Variants in EPHA7 observed in about 807,000 individuals in gnomAD.
EPHA7 encodes ephrin type-A receptor 7.
EPHA7 carries 25 observed loss-of-function variants against 112.6 expected under a neutral mutation model. That is an observed-to-expected ratio of 0.22 (90% CI 0.16 to 0.31). The LOEUF (loss-of-function observed/expected upper bound fraction) is 0.31, where lower values mean the gene tolerates loss of function less well. Ranked by LOEUF, EPHA7 falls within the 10% of genes least tolerant of loss-of-function variation. EPHA7 has a pLI of 1.00. For missense variants in EPHA7, 962 were observed against 1,212.6 expected (o/e 0.79, Z 3.07); for synonymous variants, 437 against 406.5 (o/e 1.07, Z -0.90).
intron 3 of EPHA7, among the ~76,000 whole-genome samples, chr6:93,386,061 A>G (rs1303824880): frequency 6.6e-6 from 1 of 152,136 alleles, no homozygotes; most frequent in Non-Finnish European, 1.5e-5. Context: ...TGAAATTTGG[A>G]TGGGGACACA....
intron 5 of EPHA7, among the ~76,000 whole-genome samples, chr6:93,316,220 A>G (rs1048796321): frequency 3.3e-5 from 5 of 152,166 alleles, no homozygotes; most frequent in African/African-American, 1.2e-4. Flanking sequence ...GTGATTTCTA[A>G]AAACCTTCAT....
intron 3 of EPHA7, among the ~76,000 whole-genome samples, chr6:93,400,325 G>T (rs888059719): frequency 4.6e-5 from 7 of 151,880 alleles, no homozygotes; most frequent in Non-Finnish European, 8.8e-5. Context: ...AATAAACAGG[G>T]AACATATAAA....
At chr6:93,387,429 A>G (rs1006168331) in intron 3 of EPHA7, among the ~76,000 whole-genome samples, 8 of 152,124 alleles carry the variant, frequency 5.3e-5, no homozygotes, top group African/African-American at 1.9e-4. Flanking sequence ...CAACTTTCCC[A>G]CATCTTCCTG....
At chr6:93,255,203 C>A (rs1467435873) in intron 13 of EPHA7, among the ~76,000 whole-genome samples, 3 of 147,296 alleles carry the variant, frequency 2.0e-5, no homozygotes, top group Non-Finnish European at 4.5e-5. Context: ...AAAAAATTAT[C>A]CGTGCGTGGT....
intron 5 of EPHA7, among the ~76,000 whole-genome samples, chr6:93,290,193 A>G (rs906210222): frequency 6.6e-6 from 1 of 152,048 alleles, no homozygotes; most frequent in Non-Finnish European, 1.5e-5. Flanking sequence ...AGCAATTTTG[A>G]CTATATATAG....
Position 93,240,262 on chromosome 6 carries a change from A to G in EPHA7, c.*3164T>C. 4.4e-6 allele frequency: 1 copy of G among 225,662 alleles called. No individual in the cohort carries two copies. The allele number at this position is 225,662 out of a possible 1,614,324, so 14.0% of individuals were successfully genotyped here. On this transcript the variant is annotated 3_prime_UTR_variant, in exon 17 of 17. Transcript: ENST00000369303. ...ATTTCTCCACATATAGCAAAAAAAT[A>G]CACATCAGTAATTTATTTGAACATG...
At chr6:93,321,001 A>G (rs1348014937) in intron 5 of EPHA7, among the ~76,000 whole-genome samples, 1 of 152,026 alleles carries the variant, frequency 6.6e-6, no homozygotes, top group Non-Finnish European at 1.5e-5. Flanking sequence ...AAATAGCAGT[A>G]AATTCAATCT....
At chr6:93,273,545 T>C (rs907044475) in intron 5 of EPHA7, among the ~76,000 whole-genome samples, 2 of 151,910 alleles carry the variant, frequency 1.3e-5, no homozygotes, top group Non-Finnish European at 2.9e-5. Context: ...TTCACTTCTT[T>C]CTGGCTTGGC....
intron 3 of EPHA7, among the ~76,000 whole-genome samples, chr6:93,404,366 T>G (rs573154959): frequency 4.6e-5 from 7 of 151,920 alleles, no homozygotes; most frequent in Admixed American, 1.3e-4. Context: ...GAAAAAAGTT[T>G]ATGTTCATAA....
At chr6:93,271,281 T>C (rs1771204826) in intron 6 of EPHA7, among the ~76,000 whole-genome samples, 1 of 150,802 alleles carries the variant, frequency 6.6e-6, no homozygotes, top group African/African-American at 2.4e-5. Context: ...CTAATTTTTC[T>C]TTAAAAAAAC....
intron 1 of EPHA7, among the ~76,000 whole-genome samples, chr6:93,417,740 T>C (rs1271393978): frequency 6.6e-6 from 1 of 152,012 alleles, no homozygotes; most frequent in Non-Finnish European, 1.5e-5. Context: ...AATGTGGTTT[T>C]GGAGGGGATG....
At chr6:93,283,872 A>G (rs2127827448) in intron 5 of EPHA7, among the ~76,000 whole-genome samples, 1 of 152,348 alleles carries the variant, frequency 6.6e-6, no homozygotes, top group African/African-American at 2.4e-5. Flanking sequence ...ATCAAGGAAA[A>G]TAAAGATATA....
At chr6:93,405,589 A>G (rs1229866816) in intron 3 of EPHA7, among the ~76,000 whole-genome samples, 1 of 151,398 alleles carries the variant, frequency 6.6e-6, no homozygotes, top group East Asian at 1.9e-4. Context: ...GGATTTGTAC[A>G]TACATTACTT....
At chr6:93,360,107 T>G (rs1776183989) in intron 3 of EPHA7, among the ~76,000 whole-genome samples, 1 of 152,202 alleles carries the variant, frequency 6.6e-6, no homozygotes, top group South Asian at 2.1e-4. Flanking sequence ...CAATAGCAAT[T>G]ATTGCAAATA....
intron 14 of EPHA7, among the ~76,000 whole-genome samples, chr6:93,247,725 C>A (rs1770021318): frequency 6.6e-6 from 1 of 152,074 alleles, no homozygotes; most frequent in Admixed American, 6.6e-5. Flanking sequence ...ATCTAATAGG[C>A]ATATCTAATA....
intron 5 of EPHA7, among the ~76,000 whole-genome samples, chr6:93,341,081 TAACCTA>T (rs1775115209): frequency 6.6e-6 from 1 of 151,894 alleles, no homozygotes; most frequent in South Asian, 2.1e-4. Context: ...GTAAGCATTA[TAACCTA>T]TTTAGTCTAT....
intron 5 of EPHA7, among the ~76,000 whole-genome samples, chr6:93,296,441 A>G (rs1772669260): frequency 1.3e-5 from 1 of 79,658 alleles, no homozygotes; most frequent in African/African-American, 3.4e-5. Flanking sequence ...TAAAATATAT[A>G]AATATATATA....
chr6:93,371,091 G>A (rs537588534), intron 3 of EPHA7, among the ~76,000 whole-genome samples: 49 of 151,836 alleles, frequency 3.2e-4, no homozygotes, highest in Non-Finnish European at 5.9e-4. Context: ...GTGAACCCAG[G>A]AGGCGGAGCT....
chr6:93,290,377 T>C (rs564753884), intron 5 of EPHA7, among the ~76,000 whole-genome samples: 1 of 152,286 alleles, frequency 6.6e-6, no homozygotes, highest in East Asian at 1.9e-4. Flanking sequence ...TTGGCTCATA[T>C]TCTCTAAAAA....
Sources: gnomAD v4.1 joint callset for allele counts (sites outside exome capture counted in the v4.1 genomes callset) on GRCh38, gnomAD v4.1.1 for gene constraint, MANE v1.5 for transcripts, NCBI Gene and HGNC (gene_info 2026-07-23, HGNC 2026-07-21) for gene names.